HMCN2: variants seen among roughly 807,000 people sequenced by gnomAD.
The protein encoded by HMCN2 is hemicentin-2.
Under a neutral mutation model 377.5 loss-of-function variants are expected in HMCN2, and 325 were observed. That is an observed-to-expected ratio of 0.86 (90% CI 0.79 to 0.94). HMCN2 has a LOEUF of 0.94. Ranked by LOEUF, HMCN2 falls within the 40% of genes least tolerant of loss-of-function variation. The pLI is 0.00. For missense variants in HMCN2, 4,543 were observed against 4,725.3 expected (o/e 0.96, Z 1.13); for synonymous variants, 2,007 against 2,046.8 (o/e 0.98, Z 0.53).
intron 31 of HMCN2, among the ~76,000 whole-genome samples, chr9:130,353,688 C>T (rs1168515179): frequency 6.6e-6 from 1 of 152,144 alleles, no homozygotes; most frequent in Non-Finnish European, 1.5e-5. Context: ...AGGTTCACAC[C>T]CCTAGGAGGT....
At chr9:130,272,166 A>G (rs1440970887) in intron 1 of HMCN2, among the ~76,000 whole-genome samples, 1 of 148,696 alleles carries the variant, frequency 6.7e-6, no homozygotes, top group Non-Finnish European at 1.5e-5. Context: ...GTCTTAACAG[A>G]CTCCATTCAT....
At chr9:130,278,901 CTTT>C (rs1162905487) in intron 1 of HMCN2, among the ~76,000 whole-genome samples, 6 of 132,332 alleles carry the variant, frequency 4.5e-5, no homozygotes, top group Admixed American at 7.6e-5. Context: ...TTTTCTTTTT[CTTT>C]TTTTTTTTTT....
chr9:130,352,992 C>T lies in HMCN2; in HGVS notation c.4651C>T (p.Gln1551Ter), dbSNP rs1282361274. Residue 1551 changes from glutamine (Q) to a stop codon, truncating the protein, a stop_gained, in exon 31 of 98, where the codon CAG becomes TAG. Transcript: ENST00000683500. LOFTEE classifies it high-confidence loss of function. Reference sequence around the variant, plus strand: ...GGCCGTCATGGAGGACCACCTAGTGCAGCTCCTGTGTGAGGCTCGAGGAGT... The same window carrying T: ...GGCCGTCATGGAGGACCACCTAGTGTAGCTCCTGTGTGAGGCTCGAGGAGT... ...EVAVMEDHLV[Q>*]LLCEARGVPT... The T allele has an allele frequency of 3.1e-6, 4 of 1,304,018 alleles. No homozygotes were observed. Among genetic ancestry groups the T allele is most frequent in the Non-Finnish European group, 4.0e-6 (4 of 988,838 alleles). The allele number at this position is 1,304,018 out of a possible 1,614,324, so 80.8% of individuals were successfully genotyped here.
intron 48 of HMCN2, 80 bp from the exon 49 acceptor site, chr9:130,374,422 C>G (rs1192770409): frequency 1.4e-6 from 1 of 699,454 alleles, no homozygotes; most frequent in Non-Finnish European, 1.8e-6. Flanking sequence ...ATCCCCTGAT[C>G]CATCTGGGAG....
At chr9:130,272,586 T>C (rs1554921531) in intron 1 of HMCN2, among the ~76,000 whole-genome samples, 2 of 151,868 alleles carry the variant, frequency 1.3e-5, no homozygotes, top group Admixed American at 6.6e-5. Context: ...CTCATTCTGT[T>C]GCCCAGGCTG....
chr9:130,355,176 A>C (rs1451418853), intron 32 of HMCN2, 132 bp downstream of exon 32: 5 of 723,912 alleles, frequency 6.9e-6, no homozygotes, highest in African/African-American at 1.9e-5. Flanking sequence ...CCCACATTGC[A>C]TGACACAGAT....
Position 130,368,322 on chromosome 9 carries a change from T to A in HMCN2, c.6672T>A (p.Ala2224=). Residue 2224 remains alanine, a synonymous_variant, in exon 44 of 98, where the codon GCT becomes GCA. Transcript: ENST00000683500. ...GEGAGLQHVS[A]VGRLLYLGQA... is the part of the protein sequence containing the mutation. ...GGGCTGGCCTCCAGCACGTGTCGGC[T>A]GTGGGGAGGCTGTTGTACCTGGGAC... The A allele has an allele frequency of 1.0e-6, 1 of 985,562 alleles. No homozygotes were observed. Among genetic ancestry groups the A allele is most frequent in the Non-Finnish European group, 1.2e-6 (1 of 829,882 alleles). 61.1% of individuals were successfully genotyped at this position (985,562 alleles called of 1,614,324 possible). A position where few individuals can be genotyped will look rare whatever the true frequency, so the allele number is the denominator to read the frequency against.
chr9:130,375,295 G>A (rs1421807866), intron 49 of HMCN2, among the ~76,000 whole-genome samples: 5 of 152,208 alleles, frequency 3.3e-5, no homozygotes, highest in African/African-American at 9.7e-5. Flanking sequence ...GCTGGATGTT[G>A]AGAAGCTATG....
Position 130,370,979 on chromosome 9 carries a change from T to C in HMCN2, c.7085T>C (p.Ile2362Thr), listed in dbSNP as rs901288972. The change falls in exon 46 of 98, where the codon ATT (isoleucine) becomes ACT (threonine). Residue 2362 changes from isoleucine (I) to threonine (T), a missense_variant. Physicochemically the swap from Ile to Thr is moderately conservative, Grantham distance 89. Around this residue, in one of 5 missense-constraint regions of HMCN2, gnomAD observed 1,032 missense variants for 1,285.1 expected, o/e 0.80. Coordinates refer to ENST00000683500, the MANE Select transcript of HMCN2 (RefSeq NM_001291815.2). ...ELSVLVPPEL[I>T]GDLDPLTNIT... ...TTGTGTCCAGTGCCCCCAGAGCTCA[T>C]TGGAGACTTGGACCCGCTGACCAAC... 1.0e-5 allele frequency: 10 copies of C among 986,188 alleles called. No individual in the cohort carries two copies. Among genetic ancestry groups the C allele is most frequent in the East Asian group, 1.1e-4 (1 of 8,824 alleles). The allele number at this position is 986,188 out of a possible 1,614,324, so 61.1% of individuals were successfully genotyped here. A position where few individuals can be genotyped will look rare whatever the true frequency, so the allele number is the denominator to read the frequency against.
At chr9:130,346,818 G>A (rs1265331499) in intron 25 of HMCN2, among the ~76,000 whole-genome samples, 1 of 152,134 alleles carries the variant, frequency 6.6e-6, no homozygotes, top group East Asian at 1.9e-4. Context: ...GACGACGGCT[G>A]AAAAGCAGGG....
chr9:130,384,456 G>A lies in HMCN2; in HGVS notation c.8914G>A (p.Ala2972Thr), dbSNP rs1267286607. ...SSVSLPCDVH[A>T]HPNPEVTWYK... ...CGTCTCCCTCCCTTGCGACGTCCAC[G>A]CTCACCCAAACCCCGAGGTCACGTG... The change falls in exon 58 of 98, where the codon GCT becomes ACT. Residue 2972 changes from alanine to threonine, a missense_variant. Around this residue, in one of 5 missense-constraint regions of HMCN2, gnomAD observed 736 missense variants for 773.2 expected, o/e 0.95. Transcript: ENST00000683500. 13 of 1,304,192 alleles carry A rather than the reference G, an allele frequency of 1.0e-5. No homozygotes were observed. The East Asian group carries it at 2.2e-4, about 22-fold the overall frequency. 80.8% of individuals were successfully genotyped at this position (1,304,192 alleles called of 1,614,324 possible).
At chr9:130,349,404 T>G in intron 28 of HMCN2, 133 bp from the exon 29 acceptor site, 3 of 1,071,514 alleles carry the variant, frequency 2.8e-6, no homozygotes, top group Non-Finnish European at 3.6e-6. Context: ...GGCCAGGGTT[T>G]TGGGGGGCTT....
chr9:130,362,806 C>T (rs1041212629), intron 39 of HMCN2, 61 bp from the exon 40 acceptor site: 1 of 984,748 alleles, frequency 1.0e-6, no homozygotes, highest in Non-Finnish European at 1.2e-6. Flanking sequence ...TGGGGTTCTG[C>T]CCCTTGGGGC....
intron 39 of HMCN2, among the ~76,000 whole-genome samples, chr9:130,362,528 T>C (rs1840440988): frequency 6.6e-6 from 1 of 152,260 alleles, no homozygotes; most frequent in African/African-American, 2.4e-5. Flanking sequence ...TATATTCTTC[T>C]TTTCATATTA....
intron 3 of HMCN2, among the ~76,000 whole-genome samples, 170 bp from the exon 4 acceptor site, chr9:130,286,018 T>C (rs965332018): frequency 2.0e-5 from 3 of 152,174 alleles, no homozygotes; most frequent in Admixed American, 1.3e-4. Flanking sequence ...CCCCATGAGA[T>C]GGGCACTTCT....
In HMCN2 at chr9:130,394,476, C is replaced by A; in HGVS notation, c.10593C>A (p.Thr3531=). 7.8e-7 allele frequency: 1 copy of A among 1,289,818 alleles called. No individual in the cohort carries two copies. The highest frequency in any genetic ancestry group is 1.0e-6 in the Non-Finnish European group (1 of 988,830). 79.9% of individuals were successfully genotyped at this position (1,289,818 alleles called of 1,614,324 possible). ...AGCTCCTCTGTGATGCCCAGGGCAC[C>A]CCCCAGCCCAACATCACCTGGCATA... ...PMELLCDAQG[T]PQPNITWHKD... is the part of the protein sequence containing the mutation. The change falls in exon 69 of 98, where the codon ACC becomes ACA. Residue 3531 remains threonine, a synonymous_variant. Coordinates refer to ENST00000683500, the MANE Select transcript of HMCN2 (RefSeq NM_001291815.2). The surrounding 1 kb of genome is among the most constrained non-coding windows in gnomAD (Gnocchi z 5.1).
rs1842341741 is a variant in HMCN2 at position 130,391,972 on chromosome 9, G to A, written c.9990G>A (p.Gly3330=). ...TCAAGCAGGGAGCAGACGGCTCGGG[G>A]ACCCTGGTGAGCAGGCCTGGGGAGC... ...PTIKQGADGS[G]TLVSRPGELV... is the part of the protein sequence containing the mutation. The change falls in exon 66 of 98, where the codon GGG becomes GGA. Residue 3330 remains glycine (G), a synonymous_variant. Coordinates refer to ENST00000683500, the MANE Select transcript of HMCN2 (RefSeq NM_001291815.2). The A allele has an allele frequency of 1.0e-6, 1 of 988,176 alleles. No individual in the cohort carries two copies. Among genetic ancestry groups the A allele is most frequent in the Admixed American group, 6.1e-5 (1 of 16,276 alleles). 61.2% of individuals were successfully genotyped at this position (988,176 alleles called of 1,614,324 possible). A position where few individuals can be genotyped will look rare whatever the true frequency, so the allele number is the denominator to read the frequency against.
Position 130,431,468 on chromosome 9 carries a change from A to AG in HMCN2, c.14750dup (p.Ser4917ArgfsTer301). 2 of 1,549,570 alleles carry AG rather than the reference A, an allele frequency of 1.3e-6. No homozygotes were observed. Among genetic ancestry groups the AG allele is most frequent in the African/African-American group, 2.7e-5 (2 of 73,048 alleles). ...CCCCGCCGGCTACCGTCTGCTCCCC[A>AG]GCGGGAAGAACTGCCAGGGTGAGCC... is the stretch of plus-strand genomic sequence containing the variant. On this transcript the variant is annotated frameshift_variant, in exon 96 of 98. Coordinates refer to ENST00000683500, the MANE Select transcript of HMCN2 (RefSeq NM_001291815.2). LOFTEE classifies it high-confidence loss of function.
In HMCN2 at chr9:130,355,051, C is replaced by A. The variant is rs750798598; in HGVS notation, c.5146+7C>A. On this transcript the variant is annotated splice_region_variant and intron_variant, in intron 32 of 97. Coordinates refer to ENST00000683500, the MANE Select transcript of HMCN2 (RefSeq NM_001291815.2). ...TACTCCGTGGAGGTTCAGGGTGAGCCCGGCCCACCCCACTCAGAGCTGCCT... is the reference window on the plus strand; with the variant it reads ...TACTCCGTGGAGGTTCAGGGTGAGCACGGCCCACCCCACTCAGAGCTGCCT... 7.9e-7 allele frequency: 1 copy of A among 1,265,772 alleles called. No homozygotes were observed. Among genetic ancestry groups the A allele is most frequent in the South Asian group, 1.3e-5 (1 of 78,432 alleles). 78.4% of individuals were successfully genotyped at this position (1,265,772 alleles called of 1,614,324 possible).
Sources: gnomAD v4.1 joint callset for allele counts (sites outside exome capture counted in the v4.1 genomes callset) on GRCh38, gnomAD v4.1.1 for gene constraint, gnomAD v4.1.1 regional missense constraint, Gnocchi (gnomAD v3.1) non-coding constraint, MANE v1.5 for transcripts, NCBI Gene and HGNC (gene_info 2026-07-23, HGNC 2026-07-21) for gene names.